TRPM3: variants seen among roughly 807,000 people sequenced by gnomAD.
TRPM3 encodes transient receptor potential cation channel subfamily M member 3, also known as long transient receptor potential channel 3.
A neutral mutation model predicts 181.2 loss-of-function variants in TRPM3; 77 were observed. That is an observed-to-expected ratio of 0.42 (90% CI 0.35 to 0.51). The LOEUF (loss-of-function observed/expected upper bound fraction) is 0.51, where lower values mean the gene tolerates loss of function less well. Ranked by LOEUF, TRPM3 falls within the 20% of genes least tolerant of loss-of-function variation. The pLI, the probability that TRPM3 is intolerant of heterozygous loss-of-function variation, is 0.01. For synonymous variants in TRPM3, 745 were observed against 796.4 expected, an observed-to-expected ratio of 0.94 and a Z score of 1.09; for missense variants, 1,759 against 2,196.7, an observed-to-expected ratio of 0.80 and a Z score of 3.98.
At chr9:70,871,566 G>T (rs562611169) in intron 1 of TRPM3, among the ~76,000 whole-genome samples, 10 of 151,958 alleles carry the variant, frequency 6.6e-5, no homozygotes, top group Non-Finnish European at 1.5e-4. Context: ...GAAGTCCCAG[G>T]TGAGCACAGC....
chr9:70,872,740 T>A lies in TRPM3; in HGVS notation c.178-8229A>T, dbSNP rs200287091. On this transcript the variant is annotated intron_variant, in intron 1 of 25. Coordinates refer to ENST00000677713, the MANE Select transcript of TRPM3 (RefSeq NM_001366145.2). ...GGAGAAAAGAGCTCAATGATGTTGATCTGATGTTGCCCCAGATGATGTGGC... is the reference window on the plus strand; with the variant it reads ...GGAGAAAAGAGCTCAATGATGTTGAACTGATGTTGCCCCAGATGATGTGGC... Among the ~76,000 whole-genome samples the A allele has an allele frequency of 2.6e-5, 4 of 152,064 alleles. No individual in the cohort carries two copies. In the East Asian group the frequency reaches 7.8e-4, roughly 30 times the overall value.
At chr9:71,315,124 C>A (rs1387205822) in intron 1 of TRPM3, among the ~76,000 whole-genome samples, 1 of 152,068 alleles carries the variant, frequency 6.6e-6, no homozygotes, top group Admixed American at 6.6e-5. Flanking sequence ...AGCACTGATA[C>A]CCTTTTCTGC....
intron 1 of TRPM3, among the ~76,000 whole-genome samples, chr9:71,059,640 A>G (rs2061078770): frequency 1.3e-5 from 2 of 152,068 alleles, no homozygotes; most frequent in Non-Finnish European, 1.5e-5. Flanking sequence ...TTGATAATGT[A>G]TGTGGGACTT....
Position 70,549,546 on chromosome 9 carries a change from C to A in TRPM3, c.3703G>T (p.Glu1235Ter). ...GCAGGTGTCCACAGAACACACCTTT[C>A]TGAAGTCACCCGTATCCTCTCATCA... ...SNDERIRVTS[E>*]RVENMSMRLE... Residue 1235 changes from glutamate (E) to a stop codon, truncating the protein, a stop_gained, in exon 25 of 26, where the codon GAA becomes TAA. Coordinates refer to ENST00000677713, the MANE Select transcript of TRPM3 (RefSeq NM_001366145.2). LOFTEE classifies it high-confidence loss of function. 1 of 1,612,534 alleles carries A rather than the reference C, an allele frequency of 6.2e-7. No individual in the cohort carries two copies. Among genetic ancestry groups the A allele is most frequent in the Non-Finnish European group, 8.5e-7 (1 of 1,179,446 alleles).
At chr9:70,805,004 G>T (rs2090313629) in intron 6 of TRPM3, among the ~76,000 whole-genome samples, 1 of 152,094 alleles carries the variant, frequency 6.6e-6, no homozygotes, top group Non-Finnish European at 1.5e-5. Context: ...GGGTCCCACT[G>T]GTTTTACTTT....
chr9:71,408,582 C>T (rs536496550), intron 1 of TRPM3, among the ~76,000 whole-genome samples: 2 of 152,238 alleles, frequency 1.3e-5, no homozygotes, highest in South Asian at 4.2e-4. Flanking sequence ...TGAACAAAGC[C>T]TCCAAGAAAC....
intron 6 of TRPM3, among the ~76,000 whole-genome samples, chr9:70,820,649 G>A (rs1222608452): frequency 6.6e-6 from 1 of 152,252 alleles, no homozygotes; most frequent in East Asian, 1.9e-4. Flanking sequence ...GCACTGAACC[G>A]CCAAGAAGGC....
rs1355231410 is a variant in TRPM3 at position 70,536,137 on chromosome 9, T to G, written c.4976A>C (p.Tyr1659Ser). Residue 1659 changes from tyrosine to serine, a missense_variant, in exon 26 of 26, where the codon TAT becomes TCT. By Grantham distance (144) the Tyr-to-Ser change is moderately radical (BLOSUM62 -2). Coordinates refer to ENST00000677713, the MANE Select transcript of TRPM3 (RefSeq NM_001366145.2). ...SYSAEEPSAPYAHTRKSFSIS... is the reference protein window; with the variant it reads ...SYSAEEPSAPSAHTRKSFSIS... ...GGAGAAGCTCTTCCTGGTGTGTGCA[T>G]ATGGCGCACTTGGCTCCTCTGCCGA... is the stretch of plus-strand genomic sequence containing the variant. 1 of 1,614,236 alleles carries G rather than the reference T, an allele frequency of 6.2e-7. No individual in the cohort carries two copies. Among genetic ancestry groups the G allele is most frequent in the South Asian group, 1.1e-5 (1 of 91,090 alleles).
At position 70,618,836 on chromosome 9, in the gene TRPM3, T is replaced by C. The variant is rs964289059; in HGVS notation, c.2358+31A>G. 3 of 1,590,434 alleles carry C rather than the reference T, an allele frequency of 1.9e-6. No individual in the cohort carries two copies. The African/African-American group carries it at 4.0e-5, about 21-fold the overall frequency. On this transcript the variant is annotated intron_variant, in intron 17 of 25. Transcript: ENST00000677713. ...ACTCTAACCCACCCGCCGGTCCTCA[T>C]AGCCAGGAGGGCCTTATTGGGCGCC...
At chr9:71,202,613 T>C (rs1216106994) in intron 1 of TRPM3, among the ~76,000 whole-genome samples, 4 of 152,160 alleles carry the variant, frequency 2.6e-5, no homozygotes, top group Admixed American at 6.5e-5. Flanking sequence ...CATGGGAAGA[T>C]TAATGGACCC....
intron 1 of TRPM3, among the ~76,000 whole-genome samples, chr9:71,098,000 T>G (rs559325726): frequency 6.6e-6 from 1 of 152,060 alleles, no homozygotes; most frequent in Non-Finnish European, 1.5e-5. Context: ...CATCCTGCCA[T>G]GAAGAGGAAA....
At chr9:71,095,311 A>G (rs1232717150) in intron 1 of TRPM3, among the ~76,000 whole-genome samples, 1 of 152,130 alleles carries the variant, frequency 6.6e-6, no homozygotes, top group African/African-American at 2.4e-5. Flanking sequence ...AGATGAAACC[A>G]TTTTTTAGAT....
Position 70,529,968 on chromosome 9 carries a change from ATG to A in TRPM3, c.*5983_*5984del, listed in dbSNP as rs2040658406. 2 of 152,242 alleles carry A rather than the reference ATG, an allele frequency of 1.3e-5. No individual in the cohort carries two copies. The highest frequency in any genetic ancestry group is 6.5e-5 in the Admixed American group (1 of 15,288). The allele number at this position is 152,242 out of a possible 1,614,324, so 9.4% of individuals were successfully genotyped here. A position where few individuals can be genotyped will look rare whatever the true frequency, so the allele number is the denominator to read the frequency against. ...TGTGTTTTCTGGATCCGGCCCCTCC[ATG>A]TGTTTGAATTTGCAGCCTCTCAGTC... On this transcript the variant is annotated 3_prime_UTR_variant, in exon 26 of 26. Coordinates refer to ENST00000677713, the MANE Select transcript of TRPM3 (RefSeq NM_001366145.2).
In TRPM3 at chr9:71,399,581, T is replaced by C. The variant is rs532403024; in HGVS notation, c.183+47072A>G. ...TCTCACTCTGTGGCCCAGGATGGAG[T>C]GCAGTGGTATGATCTTGGCTCACTG... On this transcript the variant is annotated intron_variant, in intron 1 of 24. Transcript: ENST00000357533. 3.6e-5 allele frequency among the ~76,000 whole-genome samples: 5 copies of C among 139,850 alleles called. No individual in the cohort carries two copies. The South Asian group carries it at 1.1e-3, about 32-fold the overall frequency. 91.7% of individuals were successfully genotyped at this position (139,850 alleles called of 152,430 possible).
chr9:70,974,502 G>A (rs1038140657), intron 1 of TRPM3, among the ~76,000 whole-genome samples: 1 of 151,966 alleles, frequency 6.6e-6, no homozygotes, highest in Non-Finnish European at 1.5e-5. Context: ...GCGCGCCACT[G>A]CACTCCAGCC....
chr9:70,782,479 T>C (rs1040400020), intron 7 of TRPM3, among the ~76,000 whole-genome samples: 6 of 152,202 alleles, frequency 3.9e-5, no homozygotes, highest in African/African-American at 1.4e-4. Flanking sequence ...CCCAAAGTGC[T>C]GGGATTATAG....
At chr9:70,948,843 A>G (rs1364516574) in intron 1 of TRPM3, among the ~76,000 whole-genome samples, 3 of 152,136 alleles carry the variant, frequency 2.0e-5, no homozygotes, top group African/African-American at 7.2e-5. Context: ...CCGTTTTTCT[A>G]TTGCCAAGAA....
intron 1 of TRPM3, among the ~76,000 whole-genome samples, chr9:70,873,492 G>A (rs987171615): frequency 2.0e-5 from 3 of 151,832 alleles, no homozygotes; most frequent in Admixed American, 6.6e-5. Context: ...TACACTTTAC[G>A]CTCCAGCAAA....
intron 25 of TRPM3, among the ~76,000 whole-genome samples, chr9:70,541,686 T>G (rs1162073901): frequency 6.6e-6 from 1 of 152,168 alleles, no homozygotes; most frequent in Non-Finnish European, 1.5e-5. Flanking sequence ...TAATTTTGTA[T>G]TTTTAGTAGA....
Sources: allele counts gnomAD v4.1 joint callset (sites outside exome capture counted in the v4.1 genomes callset), GRCh38; gene constraint gnomAD v4.1.1; transcripts MANE v1.5; gene names NCBI Gene and HGNC (gene_info 2026-07-23, HGNC 2026-07-21).